TIA1: variants seen among roughly 807,000 people sequenced by gnomAD.
TIA1 encodes TIA1 cytotoxic granule associated RNA binding protein.
TIA1 carries 23 observed loss-of-function variants against 65.9 expected under a neutral mutation model. That is an observed-to-expected ratio of 0.35 (90% CI 0.25 to 0.49). The LOEUF (loss-of-function observed/expected upper bound fraction) is 0.49. TIA1 is among the 20% of genes least tolerant of loss of function. TIA1 has a pLI of 0.98. For missense variants in TIA1, 371 were observed against 477.9 expected (o/e 0.78, Z 2.09); for synonymous variants, 147 against 149.4 (o/e 0.98, Z 0.12).
At chr2:70,236,913 C>A (rs1438141574) in intron 1 of TIA1, among the ~76,000 whole-genome samples, 1 of 152,214 alleles carries the variant, frequency 6.6e-6, no homozygotes, top group East Asian at 1.9e-4. Context: ...AGATTACAGG[C>A]ATGAGGCATT....
At chr2:70,221,957 T>C (rs1681603976) in intron 7 of TIA1, among the ~76,000 whole-genome samples, 1 of 152,080 alleles carries the variant, frequency 6.6e-6, no homozygotes. Context: ...CTGGCTCATT[T>C]TTTGTAGAGA....
intron 8 of TIA1, 118 bp from the exon 9 acceptor site, chr2:70,216,617 T>A: frequency 7.7e-7 from 1 of 1,291,454 alleles, no homozygotes; most frequent in Non-Finnish European, 1.1e-6. Context: ...ATGCTTATAT[T>A]ACACATATTA....
At chr2:70,233,303 C>G (rs1462129376) in intron 2 of TIA1, among the ~76,000 whole-genome samples, 1 of 151,988 alleles carries the variant, frequency 6.6e-6, no homozygotes. Context: ...CTGGCAATGA[C>G]TTGTAAAAAT....
intron 8 of TIA1, 159 bp from the exon 9 acceptor site, chr2:70,216,658 G>T: frequency 7.3e-7 from 1 of 1,370,124 alleles, no homozygotes. Context: ...CCTCCCCCAC[G>T]AATGTCTAAA....
chr2:70,216,047 C>T (rs776256418), intron 10 of TIA1, 161 bp downstream of exon 10: 61 of 681,854 alleles, frequency 8.9e-5, no homozygotes, highest in Non-Finnish European at 1.3e-4. Flanking sequence ...CCACCGCACC[C>T]GGCCAAAATT....
In TIA1 at chr2:70,212,633, T is replaced by G; in HGVS notation, c.*86A>C. 1 of 806,364 alleles carries G rather than the reference T, an allele frequency of 1.2e-6. No individual in the cohort carries two copies. The highest frequency in any genetic ancestry group is 2.2e-6 in the Non-Finnish European group (1 of 454,202). 50.0% of individuals were successfully genotyped at this position (806,364 alleles called of 1,614,324 possible). A position where few individuals can be genotyped will look rare whatever the true frequency, so the allele number is the denominator to read the frequency against. ...CATTGTATCTGACATTTGCACTGAC[T>G]GATTTGATAAATCTTTAAGTAAACA... On this transcript the variant is annotated 3_prime_UTR_variant, in exon 13 of 13. Transcript: ENST00000433529.
intron 1 of TIA1, among the ~76,000 whole-genome samples, chr2:70,238,016 C>T (rs1361387929): frequency 6.6e-6 from 1 of 151,622 alleles, no homozygotes; most frequent in Non-Finnish European, 1.5e-5. Flanking sequence ...AAAAAATTAG[C>T]TGGGCGTGGT....
intron 10 of TIA1, 116 bp downstream of exon 10, chr2:70,216,092 A>G: frequency 3.0e-6 from 3 of 1,003,058 alleles, no homozygotes; most frequent in Non-Finnish European, 4.3e-6. Flanking sequence ...ATTTTTAAGA[A>G]AACGAGGTAA....
At position 70,212,815 on chromosome 2, in the gene TIA1, T is replaced by C; in HGVS notation, c.1065A>G (p.Gly355=). ...NQTQSSAPWM[G]PNYGVQPPQG... The stretch of plus-strand genomic sequence containing the variant: ...GAGGCGGTTGCACTCCATAATTTGG[T>C]CCCATCCATGGTGCAGAAGACTGTG... Residue 355 remains glycine (G), a synonymous_variant, in exon 13 of 13, where the codon GGA becomes GGG. Transcript: ENST00000433529. 1.2e-6 allele frequency: 2 copies of C among 1,614,024 alleles called. No homozygotes were observed. Among genetic ancestry groups the C allele is most frequent in the Non-Finnish European group, 1.7e-6 (2 of 1,179,948 alleles).
In TIA1 at chr2:70,215,443, A is replaced by T; in HGVS notation, c.816T>A (p.Thr272=). Residue 272 remains threonine, a synonymous_variant, in exon 11 of 13, where the codon ACT becomes ACA. Transcript: ENST00000433529. The part of the protein sequence containing the change: ...AAHAIVSVNG[T]TIEGHVVKCY... Reference sequence around the variant, plus strand: ...ATTTCACAACATGACCTTCAATGGTAGTACCATTAACAGAAACAATTGCAT... The same window carrying T: ...ATTTCACAACATGACCTTCAATGGTTGTACCATTAACAGAAACAATTGCAT... 3 of 1,613,970 alleles carry T rather than the reference A, an allele frequency of 1.9e-6. No homozygotes were observed. Among genetic ancestry groups the T allele is most frequent in the Non-Finnish European group, 2.5e-6 (3 of 1,179,854 alleles).
intron 6 of TIA1, chr2:70,225,378 A>G (rs770515595): frequency 7.8e-7 from 1 of 1,288,778 alleles, no homozygotes; most frequent in African/African-American, 1.5e-5. Flanking sequence ...AATTCTGTCC[A>G]TTCTTCAGAG....
Position 70,229,331 on chromosome 2 carries a change from A to T in TIA1, c.223-13T>A. Reference sequence around the variant, plus strand: ...TCACTTTGACTTCCTAAAAAAAAAAAATTTCTACATTTATACTTCACAAAA... The same window carrying T: ...TCACTTTGACTTCCTAAAAAAAAAATATTTCTACATTTATACTTCACAAAA... On this transcript the variant is annotated splice_polypyrimidine_tract_variant and intron_variant, in intron 3 of 12. Coordinates refer to ENST00000433529, the MANE Select transcript of TIA1 (RefSeq NM_022173.4). 1 of 1,601,688 alleles carries T rather than the reference A, an allele frequency of 6.2e-7. No individual in the cohort carries two copies. The highest frequency in any genetic ancestry group is 8.5e-7 in the Non-Finnish European group (1 of 1,176,416).
chr2:70,230,950 A>T, intron 2 of TIA1, 96 bp from the exon 3 acceptor site: 1 of 819,920 alleles, frequency 1.2e-6, no homozygotes, highest in Middle Eastern at 2.4e-4. Context: ...AGTTTTATAC[A>T]TCTAAGTTAT....
Position 70,212,916 on chromosome 2 carries a change from AAAC to A in TIA1, c.1035-74_1035-72del, listed in dbSNP as rs940962406. ...ATTAAAATAAAGTATTGGCAAGAAC[AAAC>A]AACAAGAACAAATATGGGAAATGGG... is the stretch of plus-strand genomic sequence containing the variant. On this transcript the variant is annotated intron_variant, in intron 12 of 12. Coordinates refer to ENST00000433529, the MANE Select transcript of TIA1 (RefSeq NM_022173.4). 6.1e-6 allele frequency: 6 copies of A among 986,024 alleles called. No individual in the cohort carries two copies. In the African/African-American group the frequency reaches 6.4e-5, roughly 10 times the overall value. The allele number at this position is 986,024 out of a possible 1,614,324, so 61.1% of individuals were successfully genotyped here.
At position 70,210,616 on chromosome 2, in the gene TIA1, A is replaced by T. The variant is rs576234977; in HGVS notation, c.*2103T>A. 1.3e-5 allele frequency: 2 copies of T among 152,328 alleles called. No individual in the cohort carries two copies. Among genetic ancestry groups the T allele is most frequent in the East Asian group, 3.9e-4 (2 of 5,192 alleles). 9.4% of individuals were successfully genotyped at this position (152,328 alleles called of 1,614,324 possible). A position where few individuals can be genotyped will look rare whatever the true frequency, so the allele number is the denominator to read the frequency against. Reference sequence around the variant, plus strand: ...GTCAAAATGAAAGAAAACTATTTAAATTATTTATGCCCAAATAATTTACCC... The same window carrying T: ...GTCAAAATGAAAGAAAACTATTTAATTTATTTATGCCCAAATAATTTACCC... On this transcript the variant is annotated 3_prime_UTR_variant, in exon 13 of 13. Coordinates refer to ENST00000433529, the MANE Select transcript of TIA1 (RefSeq NM_022173.4).
Position 70,212,226 on chromosome 2 carries a change from G to C in TIA1, c.*493C>G, listed in dbSNP as rs1345996900. The C allele has an allele frequency of 1.3e-5, 2 of 152,954 alleles. No individual in the cohort carries two copies. The highest frequency in any genetic ancestry group is 2.9e-5 in the Non-Finnish European group (2 of 68,372). The allele number at this position is 152,954 out of a possible 1,614,324, so 9.5% of individuals were successfully genotyped here. On this transcript the variant is annotated 3_prime_UTR_variant, in exon 13 of 13. Coordinates refer to ENST00000433529, the MANE Select transcript of TIA1 (RefSeq NM_022173.4). The stretch of plus-strand genomic sequence containing the variant: ...CCCAAAGGGATAACAGTGGAGATGG[G>C]ACAGCTCAAACAATGCCTTTTTTTA...
At chr2:70,230,731 A>C in intron 3 of TIA1, 25 bp downstream of exon 3, 1 of 1,529,588 alleles carries the variant, frequency 6.5e-7, no homozygotes, top group Non-Finnish European at 8.9e-7. Context: ...AGTGCAAGTC[A>C]CCTTCTTTAA....
At chr2:70,244,443 T>C (rs1693322671) in intron 1 of TIA1, among the ~76,000 whole-genome samples, 1 of 152,194 alleles carries the variant, frequency 6.6e-6, no homozygotes, top group East Asian at 1.9e-4. Context: ...TCAATATTAC[T>C]GAGTGAATGT....
upstream of TIA1, chr2:70,248,733 A>G: frequency 2.3e-6 from 1 of 433,808 alleles, no homozygotes. Context: ...CTTAATCCAT[A>G]GGTTCACTTG....
Sources: gnomAD v4.1 joint callset for allele counts (sites outside exome capture counted in the v4.1 genomes callset) on GRCh38, gnomAD v4.1.1 for gene constraint, MANE v1.5 for transcripts, NCBI Gene and HGNC (gene_info 2026-07-23, HGNC 2026-07-21) for gene names.